The following SCML1 variants were observed in gnomAD, a reference collection of about 807,000 sequenced individuals.
The protein encoded by SCML1 is sex comb on midleg-like protein 1.
For missense variants in SCML1, 137 were observed against 258.1 expected (o/e 0.53, Z 3.22); for synonymous variants, 104 against 103.6 (o/e 1.00, Z -0.02).
At chrX:17,748,652 T>G (rs962786681) in intron 4 of SCML1, among the ~76,000 whole-genome samples, 1 of 112,373 alleles carries the variant, frequency 8.9e-6, no homozygotes, top group Non-Finnish European at 1.9e-5. Flanking sequence ...TGTTTAAGTG[T>G]ATTTTTCTTT....
chrX:17,753,007 T>A (rs898282717), intron 7 of SCML1, among the ~76,000 whole-genome samples: 2 of 110,141 alleles, frequency 1.8e-5, no homozygotes, highest in Admixed American at 9.8e-5. Context: ...TTTGACACAG[T>A]TTATTTTTTA....
chrX:17,749,759 T>C, intron 5 of SCML1, 135 bp from the exon 6 acceptor site: 1 of 609,862 alleles, frequency 1.6e-6, no homozygotes, highest in African/African-American at 2.3e-5. Context: ...TGAAGAATTA[T>C]ATAATCAAAA....
At chrX:17,750,700 T>C (rs1362165965) in intron 6 of SCML1, among the ~76,000 whole-genome samples, 1 of 112,171 alleles carries the variant, frequency 8.9e-6, no homozygotes, top group African/African-American at 3.2e-5. Flanking sequence ...CTCTGCCCCA[T>C]TGTGCTTTTC....
rs1017604172 is a variant in SCML1, at chrX:17,741,444, G to A, written c.-116-2627G>A. Among the ~76,000 whole-genome samples, 16 of 111,601 alleles carry A rather than the reference G, an allele frequency of 1.4e-4. No individual in the cohort carries two copies. The Middle Eastern group carries it at 0.023, about 161-fold the overall frequency. On this transcript the variant is annotated intron_variant, in intron 1 of 7. Coordinates refer to ENST00000380041, the MANE Select transcript of SCML1 (RefSeq NM_001037540.3). ...GTAAGAAGTGACCTCTGCGCAGTGG[G>A]CGGGGTCCTGATTATGGAAGGACCT...
chrX:17,749,169 C>T (rs1210454403), intron 4 of SCML1, among the ~76,000 whole-genome samples: 1 of 111,888 alleles, frequency 8.9e-6, no homozygotes, highest in Non-Finnish European at 1.9e-5. Context: ...TTCCTCAATT[C>T]CTACATGGAG....
chrX:17,753,127 G>T (rs1448840266), intron 7 of SCML1, 131 bp from the exon 8 acceptor site: 1 of 403,354 alleles, frequency 2.5e-6, no homozygotes, highest in Non-Finnish European at 4.0e-6. Context: ...TAAAGTAGAC[G>T]CATATTCAGA....
chrX:17,749,515 T>TA lies in SCML1; in HGVS notation c.303+17dup. The stretch of plus-strand genomic sequence containing the variant: ...CTGTGGACAAATCATGTAAGTGTTA[T>TA]AAAAAACATTTTTACAACTGTGATA... On this transcript the variant is annotated intron_variant, in intron 5 of 7. Transcript: ENST00000380041. 2.8e-6 allele frequency: 3 copies of TA among 1,066,612 alleles called. No homozygotes were observed. The highest frequency in any genetic ancestry group is 3.0e-5 in the East Asian group (1 of 33,131). 87.9% of individuals were successfully genotyped at this position (1,066,612 alleles called of 1,213,427 possible). A position where few individuals can be genotyped will look rare whatever the true frequency, so the allele number is the denominator to read the frequency against.
At chrX:17,739,848 C>CA (rs747850155) in intron 1 of SCML1, among the ~76,000 whole-genome samples, 5,966 of 32,407 alleles carry the variant, frequency 0.18, 1,143 homozygotes, top group African/African-American at 0.5. Context: ...GACTCTGTCT[C>CA]AAAAAAAAAA....
chrX:17,750,625 A>G (rs1030704896), intron 6 of SCML1, among the ~76,000 whole-genome samples: 3 of 112,189 alleles, frequency 2.7e-5, no homozygotes, highest in Non-Finnish European at 5.6e-5. Flanking sequence ...TAATGACCCC[A>G]TGGTTTTGGC....
chrX:17,754,292 A>T lies in SCML1; in HGVS notation c.*900A>T, dbSNP rs1002253860. ...CCCGAAGTATTCACACAATCTTTTTAAAAAAAATTTGAAATGGCATTTTGT... is the reference window on the plus strand; with the variant it reads ...CCCGAAGTATTCACACAATCTTTTTTAAAAAAATTTGAAATGGCATTTTGT... On this transcript the variant is annotated 3_prime_UTR_variant, in exon 8 of 8. Coordinates refer to ENST00000380041, the MANE Select transcript of SCML1 (RefSeq NM_001037540.3). 1.8e-5 allele frequency: 2 copies of T among 112,162 alleles called. No homozygotes were observed. Among genetic ancestry groups the T allele is most frequent in the African/African-American group, 3.2e-5 (1 of 30,945 alleles). The allele number at this position is 112,162 out of a possible 1,213,427, so 9.2% of individuals were successfully genotyped here.
At chrX:17,747,202 C>T (rs1014553627) in intron 4 of SCML1, among the ~76,000 whole-genome samples, 14 of 111,688 alleles carry the variant, frequency 1.3e-4, no homozygotes, top group African/African-American at 4.6e-4. Context: ...CATCCCTGCC[C>T]TTCTTCTGAC....
At position 17,753,961 on chromosome X, in the gene SCML1, A is replaced by G. The variant is rs2066738926; in HGVS notation, c.*569A>G. The G allele has an allele frequency of 8.9e-6, 1 of 112,358 alleles. No individual in the cohort carries two copies. Among genetic ancestry groups the G allele is most frequent in the Admixed American group, 9.4e-5 (1 of 10,587 alleles). The allele number at this position is 112,358 out of a possible 1,213,427, so 9.3% of individuals were successfully genotyped here. A position where few individuals can be genotyped will look rare whatever the true frequency, so the allele number is the denominator to read the frequency against. On this transcript the variant is annotated 3_prime_UTR_variant, in exon 8 of 8. Transcript: ENST00000380041. ...TTTTATTTATTCAGATTTAGAGTAA[A>G]AAATAAGCATATAAACTTTTATTAT...
intron 1 of SCML1, among the ~76,000 whole-genome samples, chrX:17,738,948 C>T (rs2066567861): frequency 9.1e-6 from 1 of 109,828 alleles, no homozygotes; most frequent in African/African-American, 3.3e-5. Flanking sequence ...TCTTGTGGGA[C>T]GAAGTGAAAA....
chrX:17,739,230 T>G (rs1413576430), intron 1 of SCML1, among the ~76,000 whole-genome samples: 1 of 112,175 alleles, frequency 8.9e-6, no homozygotes, highest in Non-Finnish European at 1.9e-5. Flanking sequence ...AGTAAACTCA[T>G]TTTTACGGGA....
At chrX:17,751,501 A>G (rs922001390) in intron 6 of SCML1, among the ~76,000 whole-genome samples, 2 of 112,486 alleles carry the variant, frequency 1.8e-5, no homozygotes, top group African/African-American at 3.2e-5. Flanking sequence ...ATCTTTTGCC[A>G]TATTTGCCTG....
At chrX:17,738,037 T>C (rs1418714463) in intron 1 of SCML1, 1 of 112,456 alleles carries the variant, frequency 8.9e-6, no homozygotes, top group Non-Finnish European at 1.9e-5. Flanking sequence ...GTTTAAAGAA[T>C]TGACAAACTC....
At chrX:17,753,165 C>T in intron 7 of SCML1, 93 bp from the exon 8 acceptor site, 1 of 686,190 alleles carries the variant, frequency 1.5e-6, no homozygotes, top group Non-Finnish European at 2.1e-6. Context: ...GAGCTGCTCT[C>T]TAGTTTGCTT....
chrX:17,751,930 T>C lies in SCML1; in HGVS notation c.819T>C (p.Leu273=). The C allele has an allele frequency of 8.3e-7, 1 of 1,211,507 alleles. No individual in the cohort carries two copies. The highest frequency in any genetic ancestry group is 1.1e-6 in the Non-Finnish European group (1 of 895,253). ...TATTTCTAAAACAAACAGATCCTCT[T>C]GCATTATGCCCTCTTGTCGACCTCT... is the stretch of plus-strand genomic sequence containing the variant. ...VVLFLKQTDP[L]ALCPLVDLFR... The change falls in exon 7 of 8, where the codon CTT becomes CTC. Residue 273 remains leucine (L), a synonymous_variant. Coordinates refer to ENST00000380041, the MANE Select transcript of SCML1 (RefSeq NM_001037540.3).
rs1340047915 is a variant in SCML1 at position 17,754,079 on chromosome X, TCTGA to T, written c.*690_*693del. On this transcript the variant is annotated 3_prime_UTR_variant, in exon 8 of 8. Coordinates refer to ENST00000380041, the MANE Select transcript of SCML1 (RefSeq NM_001037540.3). Reference sequence around the variant, plus strand: ...TACCGCAAGGGTGGTTTGGATGAAGTCTGACTACTTTTTTTCAAACAAACTATTA... The same window carrying T: ...TACCGCAAGGGTGGTTTGGATGAAGTCTACTTTTTTTCAAACAAACTATTA... 8.9e-6 allele frequency: 1 copy of T among 111,857 alleles called. No homozygotes were observed. Among genetic ancestry groups the T allele is most frequent in the Non-Finnish European group, 1.9e-5 (1 of 53,116 alleles). The allele number at this position is 111,857 out of a possible 1,213,427, so 9.2% of individuals were successfully genotyped here.
Sources: gnomAD v4.1 joint callset for allele counts (sites outside exome capture counted in the v4.1 genomes callset) on GRCh38, gnomAD v4.1.1 for gene constraint, MANE v1.5 for transcripts, NCBI Gene and HGNC (gene_info 2026-07-23, HGNC 2026-07-21) for gene names.